GNB1: variants seen among roughly 807,000 people sequenced by gnomAD.
GNB1 encodes guanine nucleotide-binding protein G(I)/G(S)/G(T) subunit beta-1.
Under a neutral mutation model 42.9 loss-of-function variants are expected in GNB1, and 2 were observed. That is an observed-to-expected ratio of 0.05 (90% CI 0.02 to 0.15). The LOEUF is 0.15. Among genes scored for constraint, GNB1 ranks in the 10% least tolerant of loss-of-function variants. The pLI, the probability that GNB1 is intolerant of heterozygous loss-of-function variation, is 1.00. For synonymous variants in GNB1, 183 were observed against 174.7 expected (o/e 1.05, Z -0.38); for missense variants, 193 against 462.2 (o/e 0.42, Z 5.34).
chr1:1,871,860 C>T (rs1196544941), intron 1 of GNB1, among the ~76,000 whole-genome samples: 1 of 152,138 alleles, frequency 6.6e-6, no homozygotes, highest in Non-Finnish European at 1.5e-5. Flanking sequence ...CTGACTCTAC[C>T]ACCCATTTCT....
At position 1,871,226 on chromosome 1, in the gene GNB1, G is replaced by A. The variant is rs114305021; in HGVS notation, c.-96+19594C>T. Among the ~76,000 whole-genome samples, 1,470 of 152,202 alleles carry A rather than the reference G, an allele frequency of 9.7e-3. 20 individuals carry two copies. Among genetic ancestry groups the A allele is most frequent in the African/African-American group, 0.033 (1,387 of 41,540 alleles). ...CAGCATTTTGGATAACATTAAGGCC[G>A]AGGCAGGTGGATCACTTAAGGCCAG... On this transcript the variant is annotated intron_variant, in intron 1 of 11. Coordinates refer to ENST00000378609, the MANE Select transcript of GNB1 (RefSeq NM_002074.5).
intron 1 of GNB1, among the ~76,000 whole-genome samples, chr1:1,870,825 C>T (rs1008698103): frequency 5.3e-5 from 8 of 152,110 alleles, no homozygotes; most frequent in African/African-American, 1.4e-4. Context: ...GTCATCCCAG[C>T]TACTCGGGAG....
chr1:1,814,049 T>G (rs1646817168), intron 5 of GNB1, among the ~76,000 whole-genome samples: 1 of 152,174 alleles, frequency 6.6e-6, no homozygotes, highest in Non-Finnish European at 1.5e-5. Flanking sequence ...ACTAAAACTC[T>G]GTACCCTCAG....
At chr1:1,877,026 C>T (rs1649580999) in intron 1 of GNB1, among the ~76,000 whole-genome samples, 3 of 152,018 alleles carry the variant, frequency 2.0e-5, no homozygotes, top group Non-Finnish European at 4.4e-5. Flanking sequence ...ACAGGCCAGG[C>T]GTGGTGGCTC....
chr1:1,817,857 C>A lies in GNB1; in HGVS notation c.76G>T (p.Ala26Ser). The part of the protein sequence containing the change: ...NQIRDARKAC[A>S]DATLSQITNN... ...CTTACCTGAGAGAGAGTTGCATCTG[C>A]ACATGCTTTCCTGGCGTCCTGGGAA... The change falls in exon 4 of 12, where the codon GCA becomes TCA. Residue 26 changes from alanine (A) to serine (S), a missense_variant. Coordinates refer to ENST00000378609, the MANE Select transcript of GNB1 (RefSeq NM_002074.5). The A allele has an allele frequency of 6.2e-7, 1 of 1,612,500 alleles. No homozygotes were observed. Among genetic ancestry groups the A allele is most frequent in the Non-Finnish European group, 8.5e-7 (1 of 1,178,568 alleles).
chr1:1,795,681 A>G (rs1646536758), intron 7 of GNB1, among the ~76,000 whole-genome samples: 1 of 152,088 alleles, frequency 6.6e-6, no homozygotes, highest in Non-Finnish European at 1.5e-5. Flanking sequence ...TGAACCCAGG[A>G]GGCAGAGGTT....
chr1:1,869,717 G>C (rs956011106), intron 1 of GNB1, among the ~76,000 whole-genome samples: 1 of 152,080 alleles, frequency 6.6e-6, no homozygotes, highest in Non-Finnish European at 1.5e-5. Context: ...AACCCCGAAA[G>C]AAAGTCTCTG....
Position 1,786,286 on chromosome 1 carries a change from G to A in GNB1, c.*777C>T, listed in dbSNP as rs1409443420. 1.0e-5 allele frequency: 4 copies of A among 382,194 alleles called. No homozygotes were observed. Among genetic ancestry groups the A allele is most frequent in the Non-Finnish European group, 1.9e-5 (4 of 215,988 alleles). The allele number at this position is 382,194 out of a possible 1,614,324, so 23.7% of individuals were successfully genotyped here. On this transcript the variant is annotated 3_prime_UTR_variant, in exon 12 of 12. Transcript: ENST00000378609. Reference sequence around the variant, plus strand: ...GTGAGATTAAAAACTCAACTGAGAAGATAGACAGGATGGGTCAGGAGGAAC... The same window carrying A: ...GTGAGATTAAAAACTCAACTGAGAAAATAGACAGGATGGGTCAGGAGGAAC...
intron 1 of GNB1, among the ~76,000 whole-genome samples, chr1:1,849,850 C>G (rs1647885507): frequency 6.6e-6 from 1 of 152,068 alleles, no homozygotes; most frequent in Non-Finnish European, 1.5e-5. Context: ...GGTTTGTTGT[C>G]TTTTACTAAT....
chr1:1,881,489 C>T (rs561649548), intron 1 of GNB1, among the ~76,000 whole-genome samples: 2 of 152,044 alleles, frequency 1.3e-5, no homozygotes, highest in African/African-American at 4.8e-5. Flanking sequence ...CTGCAACCTC[C>T]GCCTCCCAGA....
intron 1 of GNB1, among the ~76,000 whole-genome samples, chr1:1,889,472 C>T (rs1258226956): frequency 6.6e-6 from 1 of 152,120 alleles, no homozygotes; most frequent in Non-Finnish European, 1.5e-5. Context: ...ATTTTAACAT[C>T]GGCGTTTTCC....
At chr1:1,820,131 TG>T (rs1393733392) in intron 3 of GNB1, among the ~76,000 whole-genome samples, 1 of 151,830 alleles carries the variant, frequency 6.6e-6, no homozygotes, top group East Asian at 1.9e-4. Flanking sequence ...CTGAGGTGGG[TG>T]GATCACCTGA....
At chr1:1,881,145 A>C (rs1166931824) in intron 1 of GNB1, among the ~76,000 whole-genome samples, 1 of 152,038 alleles carries the variant, frequency 6.6e-6, no homozygotes, top group Non-Finnish European at 1.5e-5. Flanking sequence ...CACACAAACT[A>C]AACTCATCAT....
At chr1:1,845,390 A>ATG (rs1570705194) in intron 1 of GNB1, among the ~76,000 whole-genome samples, 3 of 152,018 alleles carry the variant, frequency 2.0e-5, no homozygotes, top group South Asian at 2.1e-4. Flanking sequence ...TAGCTAACTC[A>ATG]GTGAAACCCC....
chr1:1,838,425 G>A (rs1647179922), intron 2 of GNB1, among the ~76,000 whole-genome samples: 1 of 150,576 alleles, frequency 6.6e-6, no homozygotes, highest in Non-Finnish European at 1.5e-5. Context: ...CCTGAATCAT[G>A]TTCACCTTAC....
Position 1,790,385 on chromosome 1 carries a change from C to G in GNB1, c.699+10G>C. The G allele has an allele frequency of 6.2e-7, 1 of 1,603,586 alleles. No homozygotes were observed. Among genetic ancestry groups the G allele is most frequent in the Non-Finnish European group, 8.5e-7 (1 of 1,170,426 alleles). Reference sequence around the variant, plus strand: ...AGAGGACCCGACCCCACACCTCCACCCAGACTCACGCAAATGGCATTGATG... The same window carrying G: ...AGAGGACCCGACCCCACACCTCCACGCAGACTCACGCAAATGGCATTGATG... On this transcript the variant is annotated intron_variant, in intron 9 of 11. Transcript: ENST00000378609. The surrounding 1 kb of genome is among the most constrained non-coding windows in gnomAD (Gnocchi z 5.4).
intron 4 of GNB1, chr1:1,817,588 TA>T (rs1005638108): frequency 3.5e-5 from 12 of 339,386 alleles, no homozygotes; most frequent in African/African-American, 2.3e-4. Context: ...ACAATAACAA[TA>T]TTTTACAACT....
In GNB1 at chr1:1,790,649, T is replaced by C. The variant is rs1363025831; in HGVS notation, c.498-53A>G. 7.9e-7 allele frequency: 1 copy of C among 1,263,096 alleles called. No homozygotes were observed. The highest frequency in any genetic ancestry group is 1.2e-6 in the Non-Finnish European group (1 of 869,134). The allele number at this position is 1,263,096 out of a possible 1,614,324, so 78.2% of individuals were successfully genotyped here. On this transcript the variant is annotated intron_variant, in intron 8 of 11. Coordinates refer to ENST00000378609, the MANE Select transcript of GNB1 (RefSeq NM_002074.5). This position sits in a 1 kb window ranked among gnomAD's most constrained non-coding sequence, Gnocchi z 5.4. ...CATCAGCCTTAACTTCTTGGGTGGC[T>C]AGTCATGTGACAGACAATCTGTCCT...
intron 1 of GNB1, among the ~76,000 whole-genome samples, chr1:1,845,941 TC>T (rs1647638175): frequency 6.6e-6 from 1 of 151,202 alleles, no homozygotes; most frequent in Non-Finnish European, 1.5e-5. Flanking sequence ...AAAGCCCAAA[TC>T]TTGGTTTTAT....
Sources: gnomAD v4.1 joint callset for allele counts (sites outside exome capture counted in the v4.1 genomes callset) on GRCh38, gnomAD v4.1.1 for gene constraint, Gnocchi (gnomAD v3.1) non-coding constraint, MANE v1.5 for transcripts, NCBI Gene and HGNC (gene_info 2026-07-23, HGNC 2026-07-21) for gene names.